The following C9orf85 variants were observed in gnomAD, a reference collection of about 807,000 sequenced individuals.
C9orf85 encodes chromosome 9 open reading frame 85, also known as uncharacterized protein C9orf85.
Under a neutral mutation model 14.9 loss-of-function variants are expected in C9orf85, and 16 were observed. That is an observed-to-expected ratio of 1.08 (90% confidence interval 0.73 to 1.63). The LOEUF (loss-of-function observed/expected upper bound fraction) is 1.63. Among genes scored for constraint, C9orf85 ranks in the 40% most tolerant of loss-of-function variants. The pLI, the probability that C9orf85 is intolerant of heterozygous loss-of-function variation, is 0.00. For missense variants in C9orf85, 172 were observed against 186.1 expected (o/e 0.92, Z 0.44); for synonymous variants, 45 against 56.8 (o/e 0.79, Z 0.93).
intron 1 of C9orf85, among the ~76,000 whole-genome samples, chr9:71,928,288 A>G (rs561803125): frequency 1.3e-5 from 2 of 151,890 alleles, no homozygotes; most frequent in South Asian, 2.1e-4. Context: ...TCTCAATGCA[A>G]ATTTTTCTAA....
At chr9:71,966,796 C>G (rs1822704362) in intron 2 of C9orf85, among the ~76,000 whole-genome samples, 1 of 152,194 alleles carries the variant, frequency 6.6e-6, no homozygotes, top group Non-Finnish European at 1.5e-5. Flanking sequence ...TGAAACCTCA[C>G]AGGTGGTAGC....
intron 2 of C9orf85, among the ~76,000 whole-genome samples, chr9:71,963,885 G>T (rs919577866): frequency 7.9e-5 from 12 of 152,150 alleles, no homozygotes; most frequent in African/African-American, 2.4e-4. Flanking sequence ...GCTCCACGGA[G>T]CCCAGTCCCA....
At chr9:71,945,802 T>C (rs1020299481) in intron 1 of C9orf85, among the ~76,000 whole-genome samples, 1 of 152,192 alleles carries the variant, frequency 6.6e-6, no homozygotes, top group African/African-American at 2.4e-5. Context: ...TGAGAAATTT[T>C]AAAAGAAAAC....
chr9:71,972,799 A>G lies in C9orf85; in HGVS notation c.431A>G (p.Asp144Gly), dbSNP rs1194472255. 6.2e-7 allele frequency: 1 copy of G among 1,610,974 alleles called. No individual in the cohort carries two copies. The highest frequency in any genetic ancestry group is 1.3e-5 in the African/African-American group (1 of 74,984). Residue 144 changes from aspartate to glycine, a missense_variant, in exon 4 of 4, where the codon GAT becomes GGT. Asp to Gly is a moderately conservative substitution (Grantham distance 94, BLOSUM62 -1). Coordinates refer to ENST00000334731, the MANE Select transcript of C9orf85 (RefSeq NM_182505.5). Reference protein sequence around the residue: ...NEESDDDLDFDIDLEDTGGDH... With the variant: ...NEESDDDLDFGIDLEDTGGDH... ...GAAAGTGATGATGATTTAGATTTTGATATTGATTTAGAAGACACAGGAGGA... is the reference window on the plus strand; with the variant it reads ...GAAAGTGATGATGATTTAGATTTTGGTATTGATTTAGAAGACACAGGAGGA...
At chr9:71,959,186 G>T (rs960167318) in intron 2 of C9orf85, among the ~76,000 whole-genome samples, 1 of 151,176 alleles carries the variant, frequency 6.6e-6, no homozygotes, top group African/African-American at 2.4e-5. Context: ...TGCCCAGGCT[G>T]GAGTACAATG....
At chr9:71,940,551 C>T (rs1821896222) in intron 1 of C9orf85, among the ~76,000 whole-genome samples, 1 of 152,102 alleles carries the variant, frequency 6.6e-6, no homozygotes. Flanking sequence ...ATACTACATA[C>T]CTATTTGAAT....
intron 1 of C9orf85, chr9:71,918,452 G>A (rs767224580): frequency 7.7e-7 from 1 of 1,303,158 alleles, no homozygotes; most frequent in Admixed American, 2.3e-5. Context: ...TAGTCATGAT[G>A]TTTGAGTTTG....
At chr9:71,958,553 C>T (rs771032101) in intron 2 of C9orf85, among the ~76,000 whole-genome samples, 31 of 152,164 alleles carry the variant, frequency 2.0e-4, no homozygotes, top group Non-Finnish European at 2.6e-4. Flanking sequence ...TGAGCTACCG[C>T]GCCCGGCCAG....
At chr9:71,971,240 A>G (rs1267286334) in intron 2 of C9orf85, among the ~76,000 whole-genome samples, 1 of 152,154 alleles carries the variant, frequency 6.6e-6, no homozygotes, top group African/African-American at 2.4e-5. Context: ...AGTTTTGTAT[A>G]TTGATCTTGT....
At chr9:71,935,483 T>A (rs552942579) in intron 1 of C9orf85, among the ~76,000 whole-genome samples, 3 of 152,174 alleles carry the variant, frequency 2.0e-5, no homozygotes, top group African/African-American at 7.2e-5. Context: ...AAGGACATTA[T>A]GCTAAGTGAA....
intron 1 of C9orf85, among the ~76,000 whole-genome samples, chr9:71,940,922 T>C (rs1589255868): frequency 6.6e-6 from 1 of 152,186 alleles, no homozygotes; most frequent in East Asian, 1.9e-4. Flanking sequence ...AACCATTTCA[T>C]TTACACAACA....
At chr9:71,959,829 G>A (rs550556251) in intron 2 of C9orf85, among the ~76,000 whole-genome samples, 179 of 152,224 alleles carry the variant, frequency 1.2e-3, no homozygotes, top group African/African-American at 4.2e-3. Flanking sequence ...GTTATATTGG[G>A]GAATAATATT....
At chr9:71,971,380 C>A in intron 2 of C9orf85, 125 bp from the exon 3 acceptor site, 1 of 492,312 alleles carries the variant, frequency 2.0e-6, no homozygotes. Context: ...AAGATAAACA[C>A]CTGAAATTGA....
chr9:71,936,999 T>A (rs542594812), intron 1 of C9orf85, among the ~76,000 whole-genome samples: 4 of 152,230 alleles, frequency 2.6e-5, no homozygotes, highest in Non-Finnish European at 5.9e-5. Flanking sequence ...ACTCAAGTGA[T>A]CCTCCCATCT....
chr9:71,939,919 C>A (rs992983856), intron 1 of C9orf85, among the ~76,000 whole-genome samples: 1 of 151,990 alleles, frequency 6.6e-6, no homozygotes, highest in African/African-American at 2.4e-5. Flanking sequence ...CTATGTACAA[C>A]CAAAAATTAA....
rs527464124 is a variant in C9orf85 at position 71,962,785 on chromosome 9, G to T, written c.210-8720G>T. On this transcript the variant is annotated intron_variant, in intron 2 of 3. Transcript: ENST00000334731. ...AAAGTTGTGTTACTGGCTGGGCGCA[G>T]TGGCTCATGCTTGTAATCCTAGCAC... Among the ~76,000 whole-genome samples, 4 of 152,312 alleles carry T rather than the reference G, an allele frequency of 2.6e-5. No homozygotes were observed. The East Asian group carries it at 7.7e-4, about 29-fold the overall frequency.
chr9:71,968,101 T>TATATATAGAG (rs1554709461), intron 2 of C9orf85, among the ~76,000 whole-genome samples: 16 of 146,726 alleles, frequency 1.1e-4, no homozygotes, highest in African/African-American at 4.0e-4. Flanking sequence ...TATATATATA[T>TATATATAGAG]AGAGAGAGAG....
At chr9:71,935,621 G>GC (rs1018413535) in intron 1 of C9orf85, among the ~76,000 whole-genome samples, 4 of 145,536 alleles carry the variant, frequency 2.7e-5, no homozygotes, top group African/African-American at 7.7e-5. Flanking sequence ...GCGAGACCCT[G>GC]CCCCCCGACC....
chr9:71,926,376 C>T (rs1827929270), intron 1 of C9orf85, among the ~76,000 whole-genome samples: 1 of 151,974 alleles, frequency 6.6e-6, no homozygotes, highest in Non-Finnish European at 1.5e-5. Flanking sequence ...ATTTAAATAA[C>T]CAAATGTGAA....
Sources: allele counts gnomAD v4.1 joint callset (sites outside exome capture counted in the v4.1 genomes callset), GRCh38; gene constraint gnomAD v4.1.1; transcripts MANE v1.5; gene names NCBI Gene and HGNC (gene_info 2026-07-23, HGNC 2026-07-21).